The following SNRPN variants were observed in gnomAD, a reference collection of about 807,000 sequenced individuals.
SNRPN encodes small nuclear ribonucleoprotein polypeptide N.
Under a neutral mutation model 25.2 loss-of-function variants are expected in SNRPN, and 7 were observed. The observed-to-expected ratio is 0.28, with a 90% CI of 0.16 to 0.52. SNRPN has a LOEUF of 0.52. Among genes scored for constraint, SNRPN ranks in the 20% least tolerant of loss-of-function variants. SNRPN has a pLI of 0.96. For synonymous variants in SNRPN, 124 were observed against 110.6 expected, an observed-to-expected ratio of 1.12 and a Z score of -0.76; for missense variants, 196 against 322.5, an observed-to-expected ratio of 0.61 and a Z score of 3.00.
At chr15:24,958,961 C>G (rs1010259762) in intron 1 of SNRPN, 3 of 152,258 alleles carry the variant, frequency 2.0e-5, no homozygotes, top group Non-Finnish European at 4.4e-5. Flanking sequence ...CAAGCAGTGC[C>G]CCTGCCTAGG....
intron 2 of SNRPN, among the ~76,000 whole-genome samples, chr15:24,966,361 C>T (rs937632698): frequency 2.0e-5 from 3 of 152,156 alleles, no homozygotes; most frequent in African/African-American, 7.2e-5. Flanking sequence ...CTTCCCTGTC[C>T]TCAGGATGCA....
intron 3 of SNRPN, among the ~76,000 whole-genome samples, chr15:24,943,746 A>G (rs188746): frequency 0.098 from 14,833 of 152,042 alleles, 1,043 homozygotes; most frequent in African/African-American, 0.19. Flanking sequence ...CAACTTACCA[A>G]TGGGGGCCTG....
chr15:24,851,828 C>T (rs956744986), upstream of SNRPN: 43 of 152,186 alleles, frequency 2.8e-4, no homozygotes, highest in African/African-American at 1.0e-3. Context: ...TACGGGCCAA[C>T]TAAGGGAACT....
chr15:24,871,171 G>A (rs570517130), intron 1 of SNRPN, among the ~76,000 whole-genome samples: 14 of 152,072 alleles, frequency 9.2e-5, no homozygotes, highest in South Asian at 6.2e-4. Flanking sequence ...GATTACAGGC[G>A]TGAGCCACCA....
intron 7 of SNRPN, among the ~76,000 whole-genome samples, 189 bp from the exon 8 acceptor site, chr15:24,977,589 G>A (rs2077210193): frequency 6.6e-6 from 1 of 152,130 alleles, no homozygotes; most frequent in Non-Finnish European, 1.5e-5. Flanking sequence ...AGTGAGCTGA[G>A]ATTGCGCCAT....
chr15:24,925,574 A>G (rs1159209540), intron 3 of SNRPN, among the ~76,000 whole-genome samples: 2 of 152,056 alleles, frequency 1.3e-5, no homozygotes, highest in African/African-American at 4.8e-5. Flanking sequence ...GCTTTTATAG[A>G]GTCCTCCTTT....
intron 2 of SNRPN, among the ~76,000 whole-genome samples, chr15:24,917,314 A>C (rs2059588125): frequency 6.6e-6 from 1 of 152,186 alleles, no homozygotes; most frequent in East Asian, 1.9e-4. Flanking sequence ...TCAACGATTT[A>C]GTTCCTTCTG....
intron 3 of SNRPN, among the ~76,000 whole-genome samples, chr15:24,946,348 A>C (rs1401593746): frequency 6.6e-6 from 1 of 152,190 alleles, no homozygotes; most frequent in Non-Finnish European, 1.5e-5. Context: ...TCGAGGCTGC[A>C]GTGACCCATG....
At chr15:24,905,377 C>T (rs889902249) in intron 2 of SNRPN, among the ~76,000 whole-genome samples, 7 of 151,618 alleles carry the variant, frequency 4.6e-5, no homozygotes, top group East Asian at 2.0e-4. Flanking sequence ...GGCATGGTGG[C>T]GTGCGCCTGT....
chr15:24,945,976 G>C (rs1458708456), intron 3 of SNRPN, among the ~76,000 whole-genome samples: 1 of 152,208 alleles, frequency 6.6e-6, no homozygotes, highest in Non-Finnish European at 1.5e-5. Context: ...TGTTGGGTTA[G>C]TTCCTGGGCT....
chr15:24,853,298 T>C (rs968496531), upstream of SNRPN, among the ~76,000 whole-genome samples: 1 of 152,234 alleles, frequency 6.6e-6, no homozygotes, highest in South Asian at 2.1e-4. Flanking sequence ...ACACATCATA[T>C]TTAGATGTCA....
chr15:24,909,150 G>C (rs2059047616), intron 2 of SNRPN: 1 of 1,366,774 alleles, frequency 7.3e-7, no homozygotes, highest in Non-Finnish European at 1.0e-6. Flanking sequence ...TTTATGTATT[G>C]AGAGAACTGT....
At chr15:24,940,599 A>C (rs1040934862) in intron 3 of SNRPN, among the ~76,000 whole-genome samples, 3 of 152,148 alleles carry the variant, frequency 2.0e-5, no homozygotes, top group Admixed American at 2.0e-4. Context: ...TAGTCTTTAC[A>C]TTTCAGAATC....
upstream of SNRPN, chr15:24,954,864 G>A: frequency 6.5e-6 from 5 of 770,970 alleles, no homozygotes; most frequent in Non-Finnish European, 8.4e-6. Flanking sequence ...TTCCGGTGAG[G>A]GAGGGAGCTG....
At chr15:24,866,166 T>C (rs1226444497) in intron 1 of SNRPN, among the ~76,000 whole-genome samples, 1 of 152,078 alleles carries the variant, frequency 6.6e-6, no homozygotes, top group African/African-American at 2.4e-5. Context: ...GAAATTAATA[T>C]AGCTACTCCT....
At chr15:24,911,882 G>C (rs995747200) in intron 2 of SNRPN, among the ~76,000 whole-genome samples, 26 of 152,192 alleles carry the variant, frequency 1.7e-4, no homozygotes, top group African/African-American at 5.8e-4. Context: ...ACCCAGACCT[G>C]TAGATCCGGT....
intron 2 of SNRPN, among the ~76,000 whole-genome samples, chr15:24,967,602 A>G (rs2075828452): frequency 6.6e-6 from 1 of 151,422 alleles, no homozygotes; most frequent in Admixed American, 6.6e-5. Flanking sequence ...AGATCGTGCC[A>G]CTGCACTCCA....
At chr15:24,969,085 C>T (rs1466564492) in intron 3 of SNRPN, among the ~76,000 whole-genome samples, 1 of 151,996 alleles carries the variant, frequency 6.6e-6, no homozygotes, top group Non-Finnish European at 1.5e-5. Flanking sequence ...TATCCTTCAA[C>T]TTGAATCAGT....
intron 2 of SNRPN, among the ~76,000 whole-genome samples, chr15:24,846,620 A>G (rs2052224675): frequency 1.3e-5 from 2 of 152,244 alleles, no homozygotes; most frequent in South Asian, 4.1e-4. Flanking sequence ...AAAACCATGC[A>G]AATTAGAATT....
Sources: allele counts gnomAD v4.1 joint callset (sites outside exome capture counted in the v4.1 genomes callset), GRCh38; gene constraint gnomAD v4.1.1; transcripts MANE v1.5; gene names NCBI Gene and HGNC (gene_info 2026-07-23, HGNC 2026-07-21).